The following CD163L1 variants were observed in gnomAD, a reference collection of about 807,000 sequenced individuals.
CD163L1 encodes the protein scavenger receptor cysteine-rich type 1 protein M160.
In CD163L1, 124 loss-of-function variants were observed where a neutral mutation model predicts 165.4. The observed-to-expected ratio is 0.75, with a 90% CI of 0.65 to 0.87. The LOEUF is 0.87. CD163L1 is among the 40% of genes least tolerant of loss of function. CD163L1 has a pLI of 0.00. For missense variants in CD163L1, 1,525 were observed against 1,799.9 expected (o/e 0.85, Z 2.76); for synonymous variants, 585 against 662.2 (o/e 0.88, Z 1.79).
At chr12:7,324,664 T>G in the CD163L1 span, 1 of 1,537,474 alleles carries the variant, frequency 6.5e-7, no homozygotes, top group African/African-American at 1.4e-5. Flanking sequence ...TTGACCACTG[T>G]AAAGGCTGAA....
intron 4 of CD163L1, among the ~76,000 whole-genome samples, chr12:7,422,585 A>C (rs1158429106): frequency 6.6e-6 from 1 of 151,758 alleles, no homozygotes; most frequent in Non-Finnish European, 1.5e-5. Flanking sequence ...CAGTTTAGAG[A>C]AGAACATAAT....
At chr12:7,421,399 T>C (rs1385803412) in intron 4 of CD163L1, among the ~76,000 whole-genome samples, 1 of 80,604 alleles carries the variant, frequency 1.2e-5, no homozygotes, top group East Asian at 4.7e-4. Context: ...TATATGTATA[T>C]ATATCTTCCA....
At chr12:7,386,038 A>G (rs1947508478) in intron 8 of CD163L1, among the ~76,000 whole-genome samples, 1 of 152,114 alleles carries the variant, frequency 6.6e-6, no homozygotes, top group Admixed American at 6.5e-5. Context: ...AAAAGCCAGT[A>G]CAATCAATGA....
chr12:7,320,701 T>A, the CD163L1 span: 1 of 1,592,954 alleles, frequency 6.3e-7, no homozygotes, highest in South Asian at 1.1e-5. Flanking sequence ...ACTTCTGACA[T>A]CTGTGTCTTT....
the CD163L1 span, among the ~76,000 whole-genome samples, chr12:7,326,513 T>C: frequency 0.022 from 3,375 of 152,262 alleles, 334 homozygotes; most frequent in East Asian, 0.32. Context: ...CTCAGCCCTT[T>C]CCTGAGATTT....
At chr12:7,355,914 A>G (rs770868484) in intron 19 of CD163L1, among the ~76,000 whole-genome samples, 3 of 152,128 alleles carry the variant, frequency 2.0e-5, no homozygotes, top group Admixed American at 1.3e-4. Context: ...TGAGAAAACA[A>G]ATTTCCATTG....
At chr12:7,390,560 T>C (rs1010866073) in intron 8 of CD163L1, among the ~76,000 whole-genome samples, 1 of 152,050 alleles carries the variant, frequency 6.6e-6, no homozygotes, top group Non-Finnish European at 1.5e-5. Flanking sequence ...AAACAACAGG[T>C]AAAATTCAAA....
intron 18 of CD163L1, among the ~76,000 whole-genome samples, chr12:7,360,334 G>A (rs1946866423): frequency 6.6e-6 from 1 of 151,996 alleles, no homozygotes; most frequent in Admixed American, 6.6e-5. Flanking sequence ...GTAGAGATGA[G>A]GTTTCACCAT....
the CD163L1 span, among the ~76,000 whole-genome samples, chr12:7,338,260 C>G: frequency 6.6e-6 from 1 of 151,986 alleles, no homozygotes; most frequent in East Asian, 1.9e-4. Flanking sequence ...ACATGTATAC[C>G]TATGTAACAA....
At chr12:7,323,704 AGTACT>A in the CD163L1 span, 1 of 713,652 alleles carries the variant, frequency 1.4e-6, no homozygotes, top group South Asian at 1.9e-5. Flanking sequence ...GTCACCCAAG[AGTACT>A]GTAAAGATGA....
Position 7,432,537 on chromosome 12 carries a change from G to A in CD163L1, c.645C>T (p.Arg215=). ...ATAAAATGTCATCCAGCCAAATGGG[G>A]CGCAATACAGCAGGGCTATTAACAA... is the stretch of plus-strand genomic sequence containing the variant. ...SGVVNSPAVL[R]PIWLDDILCQ... The change falls in exon 4 of 20, where the codon CGC becomes CGT. Residue 215 remains arginine, a synonymous_variant. Transcript: ENST00000313599. The surrounding 1 kb of genome is among the most constrained non-coding windows in gnomAD (Gnocchi z 4.2). The A allele has an allele frequency of 1.2e-6, 2 of 1,614,114 alleles. No homozygotes were observed. The highest frequency in any genetic ancestry group is 2.2e-5 in the South Asian group (2 of 91,074).
Position 7,432,856 on chromosome 12 carries a change from A to T in CD163L1, c.446-120T>A. ...TGAAGTTACCAAAAATTAAAAAAAA[A>T]TAACTGAAAATACTTATAGGAGGGG... On this transcript the variant is annotated intron_variant, in intron 3 of 19. Transcript: ENST00000313599. This position sits in a 1 kb window ranked among gnomAD's most constrained non-coding sequence, Gnocchi z 4.2. 6 of 801,858 alleles carry T rather than the reference A, an allele frequency of 7.5e-6. No homozygotes were observed. Among genetic ancestry groups the T allele is most frequent in the Non-Finnish European group, 9.3e-6 (5 of 539,090 alleles). 49.7% of individuals were successfully genotyped at this position (801,858 alleles called of 1,614,324 possible).
the CD163L1 span, among the ~76,000 whole-genome samples, chr12:7,325,516 G>A: frequency 1.1e-4 from 17 of 152,198 alleles, no homozygotes; most frequent in South Asian, 2.1e-3. Flanking sequence ...GCATGGTGGC[G>A]GGCACCTGTA....
chr12:7,419,518 C>G (rs1457709815), intron 4 of CD163L1, among the ~76,000 whole-genome samples: 1 of 151,698 alleles, frequency 6.6e-6, no homozygotes, highest in African/African-American at 2.4e-5. Flanking sequence ...AGAAATCAGA[C>G]AAGAGAAAGA....
Position 7,433,371 on chromosome 12 carries a change from T to C in CD163L1, c.445+3A>G, listed in dbSNP as rs1163713357. The C allele has an allele frequency of 1.9e-6, 3 of 1,580,316 alleles. No individual in the cohort carries two copies. The highest frequency in any genetic ancestry group is 2.6e-6 in the Non-Finnish European group (3 of 1,162,412). On this transcript the variant is annotated splice_donor_region_variant and intron_variant, in intron 3 of 19. Transcript: ENST00000313599. Reference sequence around the variant, plus strand: ...TGCCTTCCTACTCTAGTTAGACTCTTACCATAACAGTTCACACCAACATCT... The same window carrying C: ...TGCCTTCCTACTCTAGTTAGACTCTCACCATAACAGTTCACACCAACATCT...
the CD163L1 span, among the ~76,000 whole-genome samples, chr12:7,338,867 T>C: frequency 6.6e-6 from 1 of 152,188 alleles, no homozygotes; most frequent in South Asian, 2.1e-4. Context: ...CTCTCTCACA[T>C]CCTAATGGTG....
At chr12:7,421,047 A>ATACATATATATATACG (rs1565808776) in intron 4 of CD163L1, among the ~76,000 whole-genome samples, 2 of 97,990 alleles carry the variant, frequency 2.0e-5, no homozygotes, top group African/African-American at 1.1e-4. Context: ...GTGTATATAT[A>ATACATATATATATACG]TGTATATACG....
intron 4 of CD163L1, among the ~76,000 whole-genome samples, chr12:7,423,777 AG>A (rs2136604735): frequency 6.6e-6 from 1 of 152,290 alleles, no homozygotes; most frequent in Non-Finnish European, 1.5e-5. Context: ...AGACTAAACC[AG>A]GAAGAAGTTG....
intron 2 of CD163L1, among the ~76,000 whole-genome samples, chr12:7,434,718 CAGACAG>C (rs1376666922): frequency 6.6e-6 from 1 of 151,680 alleles, no homozygotes; most frequent in Non-Finnish European, 1.5e-5. Context: ...GAGAGAGAGA[CAGACAG>C]AGACAGAGAG....
Sources: gnomAD v4.1 joint callset for allele counts (sites outside exome capture counted in the v4.1 genomes callset) on GRCh38, gnomAD v4.1.1 for gene constraint, Gnocchi (gnomAD v3.1) non-coding constraint, MANE v1.5 for transcripts, NCBI Gene and HGNC (gene_info 2026-07-23, HGNC 2026-07-21) for gene names.